The following LITAF variants were observed in gnomAD, a reference collection of about 807,000 sequenced individuals.
LITAF encodes the protein lipopolysaccharide-induced tumor necrosis factor-alpha factor.
Under a neutral mutation model 14.5 loss-of-function variants are expected in LITAF, and 9 were observed. The observed-to-expected ratio is 0.62, with a 90% CI of 0.37 to 1.08. The LOEUF is 1.08. Among genes scored for constraint, LITAF ranks in the 50% least tolerant of loss-of-function variants. LITAF has a pLI of 0.01. For missense variants in LITAF, 206 were observed against 213.4 expected, an observed-to-expected ratio of 0.97 and a Z score of 0.22; for synonymous variants, 98 against 88.2, an observed-to-expected ratio of 1.11 and a Z score of -0.62.
rs1445897580 is a variant in LITAF at position 11,548,793 on chromosome 16, T to G, written c.*844A>C. ...GAGTTCGACACCAGCCTGGGCAACA[T>G]AGTAAGACCCCATCTCTGTTTTTTT... On this transcript the variant is annotated 3_prime_UTR_variant, in exon 4 of 4. Transcript: ENST00000622633. The G allele has an allele frequency of 2.2e-6, 1 of 453,124 alleles. No homozygotes were observed. The highest frequency in any genetic ancestry group is 4.4e-6 in the Non-Finnish European group (1 of 226,610). The allele number at this position is 453,124 out of a possible 1,614,324, so 28.1% of individuals were successfully genotyped here. A position where few individuals can be genotyped will look rare whatever the true frequency, so the allele number is the denominator to read the frequency against.
chr16:11,551,808 G>A, intron 3 of LITAF: 1 of 635,050 alleles, frequency 1.6e-6, no homozygotes, highest in Non-Finnish European at 2.9e-6. Flanking sequence ...CTCCTGCCTG[G>A]ACAACAGAGC....
intron 2 of LITAF, among the ~76,000 whole-genome samples, chr16:11,554,697 A>G (rs1349714187): frequency 6.8e-6 from 1 of 147,880 alleles, no homozygotes; most frequent in Non-Finnish European, 1.5e-5. Flanking sequence ...CTGAGGCAGG[A>G]GAATTGCTTG....
At chr16:11,603,533 G>C (rs1195413758) in intron 3 of LITAF, among the ~76,000 whole-genome samples, 1 of 152,198 alleles carries the variant, frequency 6.6e-6, no homozygotes, top group Non-Finnish European at 1.5e-5. Flanking sequence ...AATGGAACAG[G>C]CGCTCCAGTT....
chr16:11,579,204 C>T (rs914779274), intron 1 of LITAF, among the ~76,000 whole-genome samples: 2 of 151,818 alleles, frequency 1.3e-5, no homozygotes, highest in Admixed American at 6.6e-5. Flanking sequence ...AAATAAAACA[C>T]AGTTTGGGAG....
intron 3 of LITAF, among the ~76,000 whole-genome samples, chr16:11,633,071 C>A (rs755030222): frequency 6.6e-6 from 1 of 152,202 alleles, no homozygotes; most frequent in Non-Finnish European, 1.5e-5. Flanking sequence ...AGCCCCGTCA[C>A]CCCTGCATAC....
At chr16:11,596,069 C>G (rs9939408) in intron 1 of LITAF, among the ~76,000 whole-genome samples, 1 of 152,150 alleles carries the variant, frequency 6.6e-6, no homozygotes, top group Non-Finnish European at 1.5e-5. Flanking sequence ...GTGATGGCAC[C>G]TGCAGCCAGT....
intron 1 of LITAF, among the ~76,000 whole-genome samples, chr16:11,579,331 G>T (rs1314315699): frequency 6.8e-6 from 1 of 146,362 alleles, no homozygotes; most frequent in Non-Finnish European, 1.5e-5. Flanking sequence ...GGCGCCTGTA[G>T]TCCCAGCTAC....
chr16:11,576,137 C>T (rs559411767), intron 1 of LITAF, among the ~76,000 whole-genome samples: 1 of 151,930 alleles, frequency 6.6e-6, no homozygotes, highest in South Asian at 2.1e-4. Context: ...GTTGGGATTA[C>T]AGGCATAAGC....
At chr16:11,565,462 G>T (rs1292542099) in intron 1 of LITAF, among the ~76,000 whole-genome samples, 1 of 143,964 alleles carries the variant, frequency 6.9e-6, no homozygotes, top group Non-Finnish European at 1.5e-5. Context: ...GGTGGGGGGA[G>T]GTGCGGGGAG....
upstream of LITAF, among the ~76,000 whole-genome samples, chr16:11,589,449 A>G (rs1381881745): frequency 6.6e-6 from 1 of 152,194 alleles, no homozygotes; most frequent in East Asian, 1.9e-4. Flanking sequence ...CCATTAGGCA[A>G]GAAAAATAAA....
intron 1 of LITAF, among the ~76,000 whole-genome samples, chr16:11,593,005 C>A (rs1327136430): frequency 1.3e-5 from 2 of 151,980 alleles, no homozygotes; most frequent in Non-Finnish European, 2.9e-5. Flanking sequence ...CCCGTCTGTA[C>A]TAAAAATACA....
chr16:11,563,868 G>A (rs1262734004), intron 1 of LITAF, among the ~76,000 whole-genome samples: 1 of 151,916 alleles, frequency 6.6e-6, no homozygotes, highest in Admixed American at 6.6e-5. Context: ...TGGGGTGGGG[G>A]GCGTGCTTGT....
chr16:11,555,220 T>G (rs2064249928), intron 2 of LITAF, among the ~76,000 whole-genome samples: 2 of 152,086 alleles, frequency 1.3e-5, no homozygotes, highest in Admixed American at 6.6e-5. Context: ...ATAGAGACAA[T>G]GTCTCACTAT....
In LITAF at chr16:11,548,497, G is replaced by A. The variant is rs891057374; in HGVS notation, c.*1140C>T. 1.8e-5 allele frequency: 8 copies of A among 453,740 alleles called. No individual in the cohort carries two copies. Among genetic ancestry groups the A allele is most frequent in the African/African-American group, 1.4e-4 (7 of 49,906 alleles). The allele number at this position is 453,740 out of a possible 1,614,324, so 28.1% of individuals were successfully genotyped here. On this transcript the variant is annotated 3_prime_UTR_variant, in exon 4 of 4. Coordinates refer to ENST00000622633, the MANE Select transcript of LITAF (RefSeq NM_001136472.2). Reference sequence around the variant, plus strand: ...AAACCCACCACCAGGAAACCAAAACGGACCCCACTCTGAGAGTTCCATGAT... The same window carrying A: ...AAACCCACCACCAGGAAACCAAAACAGACCCCACTCTGAGAGTTCCATGAT...
chr16:11,617,647 G>A (rs941640796), intron 3 of LITAF, among the ~76,000 whole-genome samples: 6 of 151,564 alleles, frequency 4.0e-5, no homozygotes, highest in Non-Finnish European at 5.9e-5. Context: ...GACTGGTCTC[G>A]AACTCCTGAC....
chr16:11,571,650 A>G lies in LITAF; in HGVS notation c.-5-14915T>C, dbSNP rs148391747. On this transcript the variant is annotated intron_variant, in intron 1 of 3. Transcript: ENST00000622633. ...GTCTGCCCGCCCTGGGCTCAGAAGC[A>G]GCCCTCCTCCTCTGGTTCAAACTTC... 5.0e-3 allele frequency among the ~76,000 whole-genome samples: 768 copies of G among 152,260 alleles called. 5 individuals carry two copies. The highest frequency in any genetic ancestry group is 0.018 in the African/African-American group (729 of 41,556).
At chr16:11,627,004 G>A (rs1455189925) in intron 3 of LITAF, among the ~76,000 whole-genome samples, 1 of 152,058 alleles carries the variant, frequency 6.6e-6, no homozygotes, top group African/African-American at 2.4e-5. Flanking sequence ...CACCATGCCT[G>A]GCTAAACAAG....
At chr16:11,622,831 G>A (rs2065059300) in intron 3 of LITAF, among the ~76,000 whole-genome samples, 1 of 151,990 alleles carries the variant, frequency 6.6e-6, no homozygotes, top group Admixed American at 6.6e-5. Context: ...TCACTGAAGG[G>A]AAAGAAATTT....
At position 11,558,823 on chromosome 16, in the gene LITAF, T is replaced by G. The variant is rs1037474599; in HGVS notation, c.-5-2088A>C. Among the ~76,000 whole-genome samples the G allele has an allele frequency of 6.6e-6, 1 of 152,182 alleles. No individual in the cohort carries two copies. ...ATTCTAGAAAACTTTGAAAGTCCCT[T>G]GGAGAACACGTGTTCAAGACTTCTT... is the stretch of plus-strand genomic sequence containing the variant. On this transcript the variant is annotated intron_variant, in intron 1 of 3. Coordinates refer to ENST00000622633, the MANE Select transcript of LITAF (RefSeq NM_001136472.2). The surrounding 1 kb of genome is among the most constrained non-coding windows in gnomAD (Gnocchi z 4.1).
Sources: gnomAD v4.1 joint callset for allele counts (sites outside exome capture counted in the v4.1 genomes callset) on GRCh38, gnomAD v4.1.1 for gene constraint, Gnocchi (gnomAD v3.1) non-coding constraint, MANE v1.5 for transcripts, NCBI Gene and HGNC (gene_info 2026-07-23, HGNC 2026-07-21) for gene names.